The following TENM3 variants were observed in gnomAD, a reference collection of about 807,000 sequenced individuals.
The protein encoded by TENM3 is teneurin-3.
TENM3 carries 63 observed loss-of-function variants against 255.1 expected under a neutral mutation model. That is an observed-to-expected ratio of 0.25 (90% CI 0.20 to 0.30). TENM3 has a LOEUF of 0.30. Among genes scored for constraint, TENM3 ranks in the 10% least tolerant of loss-of-function variants. TENM3 has a pLI of 1.00. For synonymous variants in TENM3, 1,306 were observed against 1,322.3 expected, an observed-to-expected ratio of 0.99 and a Z score of 0.27; for missense variants, 2,929 against 3,461.1, an observed-to-expected ratio of 0.85 and a Z score of 3.86.
At chr4:181,785,846 ACACT>A in the TENM3 span, among the ~76,000 whole-genome samples, 1 of 151,894 alleles carries the variant, frequency 6.6e-6, no homozygotes, top group African/African-American at 2.4e-5. Flanking sequence ...ACAAACACAC[ACACT>A]TTTTGTTTCT....
At chr4:181,850,694 A>G in the TENM3 span, among the ~76,000 whole-genome samples, 1 of 152,080 alleles carries the variant, frequency 6.6e-6, no homozygotes, top group East Asian at 1.9e-4. Flanking sequence ...TGATGTGCCA[A>G]TGTGTTCTAC....
the TENM3 span, among the ~76,000 whole-genome samples, chr4:181,531,500 A>C: frequency 1.3e-5 from 2 of 152,146 alleles, no homozygotes; most frequent in South Asian, 4.1e-4. Context: ...GCTCCATGAC[A>C]TTATATTTTT....
the TENM3 span, among the ~76,000 whole-genome samples, chr4:181,645,256 C>G: frequency 6.6e-6 from 1 of 152,186 alleles, no homozygotes; most frequent in Non-Finnish European, 1.5e-5. Context: ...CCTGATTCTT[C>G]TACCTGGATC....
At chr4:181,730,939 T>G in the TENM3 span, among the ~76,000 whole-genome samples, 533 of 152,308 alleles carry the variant, frequency 3.5e-3, 4 homozygotes, top group Middle Eastern at 0.014. Flanking sequence ...GTTTTCAGTA[T>G]GGAAAACGAG....
At chr4:181,467,963 G>C in the TENM3 span, among the ~76,000 whole-genome samples, 1 of 152,014 alleles carries the variant, frequency 6.6e-6, no homozygotes, top group Non-Finnish European at 1.5e-5. Context: ...ACTTGGGTCA[G>C]TTTCAAGTGA....
chr4:181,741,574 T>A, the TENM3 span, among the ~76,000 whole-genome samples: 28 of 152,204 alleles, frequency 1.8e-4, no homozygotes, highest in Admixed American at 1.6e-3. Context: ...TTAACAATAC[T>A]GCCTTGTCAA....
the TENM3 span, among the ~76,000 whole-genome samples, chr4:181,648,029 G>T: frequency 6.6e-6 from 1 of 152,104 alleles, no homozygotes. Flanking sequence ...ACACGCTGCT[G>T]ATTACCAGCT....
the TENM3 span, among the ~76,000 whole-genome samples, chr4:181,465,123 C>A: frequency 2.0e-5 from 3 of 151,778 alleles, no homozygotes; most frequent in African/African-American, 7.3e-5. Context: ...CACTTTGAGT[C>A]AATTTTCTTA....
the TENM3 span, among the ~76,000 whole-genome samples, chr4:182,100,454 T>A: frequency 0.099 from 10,042 of 101,348 alleles, 746 homozygotes; most frequent in Middle Eastern, 0.16. Context: ...AAAAAATATA[T>A]ATATATATAT....
rs182119658 is a variant in TENM3, at chr4:182,209,007, C to T, written c.-76+64253C>T. On this transcript the variant is annotated intron_variant, in intron 1 of 2. Transcript: ENST00000512480. ...TTTTGAGATGGAGTTTCGCCCTTGT[C>T]GCCCAGGCTGGAGTGCGGTGGCACA... Among the ~76,000 whole-genome samples, 782 of 146,358 alleles carry T rather than the reference C, an allele frequency of 5.3e-3. 2 individuals are homozygous for T. The highest frequency in any genetic ancestry group is 8.8e-3 in the Non-Finnish European group (590 of 67,158).
chr4:181,685,216 T>G, the TENM3 span, among the ~76,000 whole-genome samples: 1 of 152,160 alleles, frequency 6.6e-6, no homozygotes, highest in African/African-American at 2.4e-5. Flanking sequence ...GGTGGAGATT[T>G]TTATTTGTTT....
chr4:182,200,507 C>T (rs1754118103), intron 1 of TENM3, among the ~76,000 whole-genome samples: 1 of 152,126 alleles, frequency 6.6e-6, no homozygotes, highest in Admixed American at 6.6e-5. Flanking sequence ...TTTAAAATGA[C>T]AGATTTGCCT....
intron 20 of TENM3, among the ~76,000 whole-genome samples, chr4:182,753,082 G>A (rs1762490379): frequency 6.6e-6 from 1 of 151,928 alleles, no homozygotes; most frequent in Middle Eastern, 3.2e-3. Context: ...GAATAGCTGG[G>A]ACTACAGGCT....
At chr4:182,441,683 A>G (rs1271759575) in intron 3 of TENM3, among the ~76,000 whole-genome samples, 2 of 152,048 alleles carry the variant, frequency 1.3e-5, no homozygotes, top group East Asian at 1.9e-4. Flanking sequence ...TTTTTAGTAG[A>G]GATGGGGTTT....
At chr4:182,076,367 C>A in the TENM3 span, among the ~76,000 whole-genome samples, 1 of 151,998 alleles carries the variant, frequency 6.6e-6, no homozygotes, top group Non-Finnish European at 1.5e-5. Context: ...CCACGCCCAG[C>A]TTATTTTTGT....
At chr4:182,407,251 T>G (rs1054518857) in intron 3 of TENM3, among the ~76,000 whole-genome samples, 1 of 152,216 alleles carries the variant, frequency 6.6e-6, no homozygotes, top group African/African-American at 2.4e-5. Flanking sequence ...TTGGTTATCA[T>G]TTTGGAAAAC....
intron 12 of TENM3, among the ~76,000 whole-genome samples, chr4:182,701,197 G>A (rs776999726): frequency 1.8e-5 from 2 of 113,774 alleles, no homozygotes; most frequent in African/African-American, 3.5e-5. Flanking sequence ...TTCACATACA[G>A]TCCAACTCTT....
At chr4:181,920,807 C>G in the TENM3 span, among the ~76,000 whole-genome samples, 1 of 152,036 alleles carries the variant, frequency 6.6e-6, no homozygotes, top group Non-Finnish European at 1.5e-5. Flanking sequence ...AAGTCCTTGC[C>G]CATGCCTATG....
chr4:181,517,788 A>G, the TENM3 span, among the ~76,000 whole-genome samples: 4 of 152,178 alleles, frequency 2.6e-5, no homozygotes, highest in Non-Finnish European at 4.4e-5. Context: ...TAATAGAAGA[A>G]TTCTCTATGT....
Sources: allele counts gnomAD v4.1 joint callset (sites outside exome capture counted in the v4.1 genomes callset), GRCh38; gene constraint gnomAD v4.1.1; transcripts MANE v1.5; gene names NCBI Gene and HGNC (gene_info 2026-07-23, HGNC 2026-07-21).